HERC2: variants seen among roughly 807,000 people sequenced by gnomAD.
HERC2 encodes HECT and RLD domain containing E3 ubiquitin protein ligase 2, also known as E3 ubiquitin-protein ligase HERC2.
In HERC2, 102 loss-of-function variants were observed where a neutral mutation model predicts 537.7. That is an observed-to-expected ratio of 0.19 (90% confidence interval 0.16 to 0.22). The LOEUF (loss-of-function observed/expected upper bound fraction) is 0.22, where lower values mean the gene tolerates loss of function less well. HERC2 is among the 10% of genes least tolerant of loss of function. The pLI is 1.00. For synonymous variants in HERC2, 2,224 were observed against 2,466.2 expected (o/e 0.90, Z 2.91); for missense variants, 4,236 against 6,198.2 (o/e 0.68, Z 10.63).
Position 28,124,233 on chromosome 15 carries a change from A to T in HERC2, c.12992T>A (p.Val4331Asp). The change falls in exon 85 of 93, where the codon GTC becomes GAC. Residue 4331 changes from valine to aspartate, a missense_variant and splice_region_variant. By Grantham distance (152) the Val-to-Asp change is radical (BLOSUM62 -3). Around this residue, in one of 27 missense-constraint regions of HERC2, gnomAD observed 189 missense variants for 255.7 expected, o/e 0.74. Coordinates refer to ENST00000261609, the MANE Select transcript of HERC2 (RefSeq NM_004667.6). ...PASAGKLPAQ[V>D]PMEYNHLQEI... is the part of the protein sequence containing the mutation. ...CTGCAGGTGATTGTACTCCATGGGG[A>T]CCTAGAACACAGAAATGGCCTTCAG... 6.9e-7 allele frequency: 1 copy of T among 1,457,684 alleles called. No homozygotes were observed. The allele number at this position is 1,457,684 out of a possible 1,614,324, so 90.3% of individuals were successfully genotyped here.
At chr15:28,144,052 A>G (rs1335309931) in intron 73 of HERC2, 25 bp downstream of exon 73, 2 of 1,614,074 alleles carry the variant, frequency 1.2e-6, no homozygotes, top group East Asian at 4.5e-5. Flanking sequence ...AGGAAGACAG[A>G]TGTAACTGTA....
intron 56 of HERC2, among the ~76,000 whole-genome samples, chr15:28,184,364 G>C (rs1896102855): frequency 1.3e-5 from 2 of 152,110 alleles, no homozygotes; most frequent in South Asian, 2.1e-4. Flanking sequence ...ATCCCAGTTG[G>C]GTGGCAGCCC....
Position 28,193,408 on chromosome 15 carries a change from A to AT in HERC2, c.8261-1258dup, listed in dbSNP as rs1897037030. ...GAACTCAGCTGAAGAGAAAGTAAAA[A>AT]TATCTGGAATGAAGAACTGAGGAAC... is the stretch of plus-strand genomic sequence containing the variant. On this transcript the variant is annotated intron_variant, in intron 52 of 92. Coordinates refer to ENST00000261609, the MANE Select transcript of HERC2 (RefSeq NM_004667.6). Among the ~76,000 whole-genome samples, 3 of 152,338 alleles carry AT rather than the reference A, an allele frequency of 2.0e-5. No homozygotes were observed. In the South Asian group the frequency reaches 6.2e-4, roughly 32 times the overall value.
At chr15:28,201,592 G>A in intron 47 of HERC2, 38 bp from the exon 48 acceptor site, 1 of 1,299,300 alleles carries the variant, frequency 7.7e-7, no homozygotes, top group Non-Finnish European at 1.1e-6. Context: ...AAAAACAGGA[G>A]AACATGATAA....
At chr15:28,319,406 C>T (rs1280886926) in intron 2 of HERC2, among the ~76,000 whole-genome samples, 4 of 151,390 alleles carry the variant, frequency 2.6e-5, no homozygotes, top group Admixed American at 1.3e-4. Flanking sequence ...CACAGTGAAA[C>T]CCCATCTCTA....
chr15:28,176,846 A>G lies in HERC2; in HGVS notation c.9433-78T>C, dbSNP rs1895338597. 6.4e-7 allele frequency: 1 copy of G among 1,574,388 alleles called. No homozygotes were observed. The highest frequency in any genetic ancestry group is 8.7e-7 in the Non-Finnish European group (1 of 1,148,172). Reference sequence around the variant, plus strand: ...ATGGATTTTCCCACAGATAAAGCCAACCATGCACACATCTTTATGAACTTT... The same window carrying G: ...ATGGATTTTCCCACAGATAAAGCCAGCCATGCACACATCTTTATGAACTTT... On this transcript the variant is annotated intron_variant, in intron 61 of 92. Coordinates refer to ENST00000261609, the MANE Select transcript of HERC2 (RefSeq NM_004667.6). This position sits in a 1 kb window ranked among gnomAD's most constrained non-coding sequence, Gnocchi z 5.0.
chr15:28,142,169 C>T, intron 76 of HERC2, 69 bp downstream of exon 76: 1 of 1,520,290 alleles, frequency 6.6e-7, no homozygotes. Flanking sequence ...GTAATATTGG[C>T]ATCTTGTTAC....
chr15:28,140,355 A>G (rs1422250774), intron 78 of HERC2, among the ~76,000 whole-genome samples: 1 of 152,170 alleles, frequency 6.6e-6, no homozygotes, highest in Non-Finnish European at 1.5e-5. Flanking sequence ...CGGGAAAAAT[A>G]AAAGAGAGGT....
chr15:28,272,103 A>T, intron 9 of HERC2, 112 bp downstream of exon 9: 1 of 996,766 alleles, frequency 1.0e-6, no homozygotes, highest in Non-Finnish European at 1.5e-6. Flanking sequence ...TATTACCACC[A>T]AACACACACA....
At chr15:28,210,090 T>C (rs1467811140) in intron 44 of HERC2, among the ~76,000 whole-genome samples, 1 of 151,506 alleles carries the variant, frequency 6.6e-6, no homozygotes, top group African/African-American at 2.4e-5. Context: ...GCCTTCCAAG[T>C]AGCTGGGATT....
intron 43 of HERC2, among the ~76,000 whole-genome samples, chr15:28,212,184 G>A (rs749567711): frequency 1.3e-5 from 2 of 152,324 alleles, no homozygotes; most frequent in South Asian, 2.1e-4. Context: ...CTTCTCTTCC[G>A]GGATAAAGGG....
At chr15:28,222,380 AAAG>A (rs929222498) in intron 35 of HERC2, among the ~76,000 whole-genome samples, 165 bp from the exon 36 acceptor site, 13 of 151,836 alleles carry the variant, frequency 8.6e-5, no homozygotes, top group African/African-American at 3.1e-4. Context: ...TATAGGATAA[AAAG>A]AAGATAAACG....
rs1010267555 is a variant in HERC2, at chr15:28,228,320, C to G, written c.5362G>C (p.Val1788Leu). ...TGCAGGGTGAGCATGCTGAGCATCA[C>G]CAGGAGGAAGCGGGCTTGCGGGATG... The part of the protein sequence containing the change: ...GTIPQARFLL[V>L]MLSMLTLQHG... The change falls in exon 35 of 93, where the codon GTG becomes CTG. Residue 1788 changes from valine to leucine, a missense_variant. Val to Leu is a conservative substitution (Grantham distance 32). This residue lies in a region of HERC2 where 343 missense variants were observed against 417.2 expected (regional missense o/e 0.82). Transcript: ENST00000261609. 3 of 1,612,452 alleles carry G rather than the reference C, an allele frequency of 1.9e-6. No individual in the cohort carries two copies. The highest frequency in any genetic ancestry group is 2.7e-5 in the African/African-American group (2 of 74,886).
chr15:28,175,659 G>T lies in HERC2; in HGVS notation c.9687-3C>A, dbSNP rs369737160. The T allele has an allele frequency of 2.2e-5, 35 of 1,613,940 alleles. No homozygotes were observed. The highest frequency in any genetic ancestry group is 3.0e-5 in the Non-Finnish European group (35 of 1,179,992). ...ATCTGAAGTAATCCCCCTTTCCCCT[G>T]AGAGAAGGCCCATGGTGGAGAGTTA... On this transcript the variant is annotated splice_region_variant and splice_polypyrimidine_tract_variant and intron_variant, in intron 63 of 92. Coordinates refer to ENST00000261609, the MANE Select transcript of HERC2 (RefSeq NM_004667.6).
chr15:28,204,867 T>C (rs1387122826), intron 45 of HERC2, among the ~76,000 whole-genome samples: 1 of 152,058 alleles, frequency 6.6e-6, no homozygotes, highest in East Asian at 1.9e-4. Context: ...AAAAGGAAAC[T>C]CACTAACAGT....
At chr15:28,156,113 T>C (rs1892982400) in intron 69 of HERC2, among the ~76,000 whole-genome samples, 1 of 152,180 alleles carries the variant, frequency 6.6e-6, no homozygotes, top group South Asian at 2.1e-4. Context: ...TTCTGTTCCA[T>C]TGGTCTATAT....
chr15:28,305,388 T>G (rs2076757614), intron 2 of HERC2, among the ~76,000 whole-genome samples: 1 of 150,348 alleles, frequency 6.7e-6, no homozygotes, highest in Non-Finnish European at 1.5e-5. Flanking sequence ...CCTACAACTA[T>G]CTGATCTTTG....
rs545777717 is a variant in HERC2, at chr15:28,169,638, C to A, written c.10075G>T (p.Asp3359Tyr). The A allele has an allele frequency of 2.5e-5, 41 of 1,612,574 alleles. No homozygotes were observed. Among genetic ancestry groups the A allele is most frequent in the Middle Eastern group, 3.3e-4 (2 of 6,054 alleles). The change falls in exon 66 of 93, where the codon GAT becomes TAT. Residue 3359 changes from aspartate (D) to tyrosine (Y), a missense_variant. Asp to Tyr is a radical substitution (Grantham distance 160, BLOSUM62 -3). Coordinates refer to ENST00000261609, the MANE Select transcript of HERC2 (RefSeq NM_004667.6). ...ATTTTATTACTGGCAGCAGAAGAAT[C>A]AGCATCTGAAGGCACGCCTATAAGA... is the stretch of plus-strand genomic sequence containing the variant. ...ASYLGVPSDA[D>Y]SSAASNKISG...
At chr15:28,127,765 A>G (rs1385972655) in intron 83 of HERC2, among the ~76,000 whole-genome samples, 2 of 152,148 alleles carry the variant, frequency 1.3e-5, no homozygotes, top group Admixed American at 6.5e-5. Context: ...GACACACAAA[A>G]AGGGGGCAGA....
Sources: gnomAD v4.1 joint callset for allele counts (sites outside exome capture counted in the v4.1 genomes callset) on GRCh38, gnomAD v4.1.1 for gene constraint, gnomAD v4.1.1 regional missense constraint, Gnocchi (gnomAD v3.1) non-coding constraint, MANE v1.5 for transcripts, NCBI Gene and HGNC (gene_info 2026-07-23, HGNC 2026-07-21) for gene names.